Variants in NUP205 observed in about 807,000 individuals in gnomAD.
NUP205 encodes the protein nuclear pore complex protein Nup205.
In NUP205, 76 loss-of-function variants were observed where a neutral mutation model predicts 253.8. The observed-to-expected ratio is 0.30, with a 90% confidence interval of 0.25 to 0.36. NUP205 has a LOEUF of 0.36. Ranked by LOEUF, NUP205 falls within the 10% of genes least tolerant of loss-of-function variation. NUP205 has a pLI of 1.00. For missense variants in NUP205, 2,162 were observed against 2,425.5 expected (o/e 0.89, Z 2.28); for synonymous variants, 832 against 850.1 (o/e 0.98, Z 0.37).
chr7:135,599,935 G>A (rs1793928326), intron 15 of NUP205, among the ~76,000 whole-genome samples: 2 of 152,120 alleles, frequency 1.3e-5, no homozygotes, highest in Admixed American at 1.3e-4. Flanking sequence ...ATTATTATGT[G>A]GTAATATGCC....
chr7:135,630,229 T>C (rs935656730), intron 34 of NUP205, 115 bp from the exon 35 acceptor site: 19 of 662,146 alleles, frequency 2.9e-5, no homozygotes, highest in Non-Finnish European at 4.3e-5. Flanking sequence ...CTGAGTATTA[T>C]GGTAAAGTTG....
chr7:135,571,287 T>TTG (rs1343645552), intron 2 of NUP205, 40 bp downstream of exon 2: 1 of 1,318,228 alleles, frequency 7.6e-7, no homozygotes, highest in African/African-American at 1.5e-5. Flanking sequence ...GGATTTTTTT[T>TTG]TTTTTAAGAT....
At chr7:135,582,953 G>A (rs1311607133) in intron 7 of NUP205, among the ~76,000 whole-genome samples, 1 of 152,116 alleles carries the variant, frequency 6.6e-6, no homozygotes, top group Non-Finnish European at 1.5e-5. Context: ...AGCCAGGCGT[G>A]GTGGTGCGTG....
At chr7:135,611,256 C>T (rs1213336632) in intron 22 of NUP205, among the ~76,000 whole-genome samples, 1 of 152,108 alleles carries the variant, frequency 6.6e-6, no homozygotes, top group East Asian at 1.9e-4. Context: ...GTGATCCGTC[C>T]ACCTTGGCCT....
intron 1 of NUP205, among the ~76,000 whole-genome samples, chr7:135,570,062 G>C (rs975505843): frequency 2.1e-5 from 3 of 139,638 alleles, no homozygotes; most frequent in Middle Eastern, 3.6e-3. Flanking sequence ...TAGAGAGAGA[G>C]AGAGAGAGAG....
intron 34 of NUP205, among the ~76,000 whole-genome samples, chr7:135,629,161 T>G (rs2129491942): frequency 6.6e-6 from 1 of 152,382 alleles, no homozygotes; most frequent in East Asian, 1.9e-4. Context: ...ATCACAATTC[T>G]GAGTGATTCA....
chr7:135,638,988 C>T (rs1446859783), intron 38 of NUP205, among the ~76,000 whole-genome samples: 2 of 152,120 alleles, frequency 1.3e-5, no homozygotes, highest in Non-Finnish European at 2.9e-5. Context: ...GATGAAAATA[C>T]AACAAACAGT....
chr7:135,570,888 T>A (rs1805978260), intron 1 of NUP205, among the ~76,000 whole-genome samples: 1 of 123,412 alleles, frequency 8.1e-6, no homozygotes, highest in South Asian at 2.2e-4. Context: ...TAATATATTA[T>A]ATATTATATA....
rs1034806972 is a variant in NUP205, at chr7:135,581,083, T to A, written c.1042+2168T>A. Among the ~76,000 whole-genome samples, 8 of 152,292 alleles carry A rather than the reference T, an allele frequency of 5.3e-5. No homozygotes were observed. In the South Asian group the frequency reaches 1.0e-3, roughly 20 times the overall value. ...AAAATTTTTCTGTTAATTTGCATTT[T>A]AAAAATTGTTAGAAAAAATGACTAG... is the stretch of plus-strand genomic sequence containing the variant. On this transcript the variant is annotated intron_variant, in intron 7 of 42. Transcript: ENST00000285968.
intron 1 of NUP205, among the ~76,000 whole-genome samples, chr7:135,570,610 C>G (rs1198874375): frequency 3.5e-5 from 5 of 141,226 alleles, no homozygotes; most frequent in Non-Finnish European, 7.5e-5. Flanking sequence ...ATTAGTGTCT[C>G]TTAATCAGTT....
intron 37 of NUP205, 50 bp from the exon 38 acceptor site, chr7:135,638,507 T>G: frequency 6.4e-7 from 1 of 1,567,732 alleles, no homozygotes. Flanking sequence ...TTCATGCTAA[T>G]TGAGACATTT....
chr7:135,595,716 A>G (rs1441747038), intron 13 of NUP205, among the ~76,000 whole-genome samples: 1 of 152,156 alleles, frequency 6.6e-6, no homozygotes, highest in Non-Finnish European at 1.5e-5. Context: ...AAGTCTCAAT[A>G]ACTTCAAAAT....
intron 36 of NUP205, 108 bp downstream of exon 36, chr7:135,635,765 G>A: frequency 1.7e-6 from 1 of 588,464 alleles, no homozygotes; most frequent in Non-Finnish European, 3.0e-6. Flanking sequence ...AACTGTTTTG[G>A]TTCTTTAGTT....
intron 39 of NUP205, 64 bp downstream of exon 39, chr7:135,643,422 TCA>T: frequency 7.4e-7 from 1 of 1,348,742 alleles, no homozygotes; most frequent in Non-Finnish European, 1.0e-6. Flanking sequence ...GCCAGGGTAC[TCA>T]GACTGAGTAA....
At chr7:135,640,218 A>G (rs1471248659) in intron 38 of NUP205, among the ~76,000 whole-genome samples, 2 of 152,218 alleles carry the variant, frequency 1.3e-5, no homozygotes, top group African/African-American at 2.4e-5. Context: ...CAGAACTTCA[A>G]GTTAAAGAAA....
intron 41 of NUP205, 197 bp from the exon 42 acceptor site, chr7:135,645,961 A>G (rs1323063510): frequency 3.4e-6 from 2 of 594,274 alleles, no homozygotes; most frequent in Admixed American, 3.0e-5. Context: ...GGAAATAGAG[A>G]AAAGCTGAGA....
intron 7 of NUP205, among the ~76,000 whole-genome samples, chr7:135,584,173 G>T (rs1027337700): frequency 6.6e-6 from 1 of 152,210 alleles, no homozygotes; most frequent in African/African-American, 2.4e-5. Context: ...TGTTAAATTG[G>T]AATTTGCTTT....
chr7:135,567,934 G>T (rs929314214), intron 1 of NUP205, among the ~76,000 whole-genome samples: 1 of 152,044 alleles, frequency 6.6e-6, no homozygotes, highest in Non-Finnish European at 1.5e-5. Context: ...TCTAAAATCA[G>T]TTTAGTAGGG....
At position 135,619,555 on chromosome 7, in the gene NUP205, C is replaced by A; in HGVS notation, c.4096C>A (p.His1366Asn). 1 of 1,614,088 alleles carries A rather than the reference C, an allele frequency of 6.2e-7. No homozygotes were observed. The change falls in exon 29 of 43, where the codon CAT becomes AAT. Residue 1366 changes from histidine (H) to asparagine (N), a missense_variant. His to Asn is a moderately conservative substitution (Grantham distance 68). Transcript: ENST00000285968. ...ETSVLGPAEA[H>N]YAFMLDSCFT... ...ATCAGTCTTGGGACCAGCAGAGGCC[C>A]ATTACGCTTTTATGCTTGATAGTTG...
Sources: allele counts gnomAD v4.1 joint callset (sites outside exome capture counted in the v4.1 genomes callset), GRCh38; gene constraint gnomAD v4.1.1; transcripts MANE v1.5; gene names NCBI Gene and HGNC (gene_info 2026-07-23, HGNC 2026-07-21).